Variants in HOMER2 observed in about 807,000 individuals in gnomAD.
HOMER2 encodes homer protein homolog 2.
In HOMER2, 27 loss-of-function variants were observed where a neutral mutation model predicts 47.0. That is an observed-to-expected ratio of 0.57 (90% CI 0.42 to 0.79). The LOEUF is 0.79. Ranked by LOEUF, HOMER2 falls within the 30% of genes least tolerant of loss-of-function variation. HOMER2 has a pLI of 0.00. For synonymous variants in HOMER2, 161 were observed against 163.8 expected (o/e 0.98, Z 0.13); for missense variants, 443 against 435.0 (o/e 1.02, Z -0.16).
intron 1 of HOMER2, among the ~76,000 whole-genome samples, chr15:82,942,997 A>G (rs908452686): frequency 6.6e-6 from 1 of 152,160 alleles, no homozygotes; most frequent in Non-Finnish European, 1.5e-5. Context: ...GAGAGTGCCC[A>G]AGGGGATTAA....
At chr15:82,944,613 T>G (rs1207026324) in intron 1 of HOMER2, among the ~76,000 whole-genome samples, 1 of 152,182 alleles carries the variant, frequency 6.6e-6, no homozygotes, top group Non-Finnish European at 1.5e-5. Context: ...TGAAGAAGGT[T>G]TTTCTTGTCA....
At chr15:82,982,619 A>G (rs1169193806) in intron 1 of HOMER2, among the ~76,000 whole-genome samples, 1 of 152,178 alleles carries the variant, frequency 6.6e-6, no homozygotes, top group Non-Finnish European at 1.5e-5. Context: ...GCACTCAAAA[A>G]GTTTTGGATT....
At chr15:82,895,382 C>G (rs1201160662) in intron 1 of HOMER2, among the ~76,000 whole-genome samples, 3 of 152,142 alleles carry the variant, frequency 2.0e-5, no homozygotes, top group East Asian at 1.9e-4. Context: ...AGAGGCCAGA[C>G]GACAGGGAGT....
chr15:82,859,304 G>GTT (rs55861392), intron 4 of HOMER2, 169 bp from the exon 5 acceptor site: 45,097 of 604,794 alleles, frequency 0.075, 325 homozygotes, highest in Non-Finnish European at 0.085. Context: ...ACAAGTTTTT[G>GTT]TTTTTTTTTT....
chr15:82,978,418 G>T (rs2030280152), intron 1 of HOMER2, among the ~76,000 whole-genome samples: 1 of 152,200 alleles, frequency 6.6e-6, no homozygotes, highest in Non-Finnish European at 1.5e-5. Flanking sequence ...ACAATAGTGG[G>T]ATGATTATGG....
intron 1 of HOMER2, among the ~76,000 whole-genome samples, chr15:82,925,070 T>C (rs1286660163): frequency 6.6e-6 from 1 of 152,212 alleles, no homozygotes; most frequent in Non-Finnish European, 1.5e-5. Context: ...GGTTCATCCT[T>C]ATCCATCCCT....
At chr15:82,901,548 G>C (rs1481384818) in intron 1 of HOMER2, among the ~76,000 whole-genome samples, 1 of 152,184 alleles carries the variant, frequency 6.6e-6, no homozygotes, top group Non-Finnish European at 1.5e-5. Context: ...AAATCTGCTA[G>C]GTTTAGCAGA....
At chr15:82,948,553 A>T (rs759646552) in intron 1 of HOMER2, among the ~76,000 whole-genome samples, 1 of 152,086 alleles carries the variant, frequency 6.6e-6, no homozygotes, top group Non-Finnish European at 1.5e-5. Flanking sequence ...ACAGAGGGAG[A>T]CTCTGTCTCA....
chr15:82,874,118 G>A (rs1200030122), intron 3 of HOMER2, among the ~76,000 whole-genome samples: 1 of 152,130 alleles, frequency 6.6e-6, no homozygotes, highest in Non-Finnish European at 1.5e-5. Context: ...CTGGAACAAG[G>A]GCCACATCTC....
chr15:82,877,077 A>G (rs1404431004), intron 2 of HOMER2, among the ~76,000 whole-genome samples: 1 of 152,230 alleles, frequency 6.6e-6, no homozygotes, highest in Non-Finnish European at 1.5e-5. Flanking sequence ...TGCCTCATTT[A>G]TATTAGTTCA....
chr15:82,866,726 TGA>T (rs925002963), intron 3 of HOMER2, among the ~76,000 whole-genome samples: 3 of 152,206 alleles, frequency 2.0e-5, no homozygotes, highest in African/African-American at 7.2e-5. Context: ...GTTTTAAAAA[TGA>T]GAGTTTCCTC....
At chr15:82,878,552 T>A (rs1257033524) in intron 2 of HOMER2, among the ~76,000 whole-genome samples, 2 of 152,202 alleles carry the variant, frequency 1.3e-5, no homozygotes, top group African/African-American at 4.8e-5. Flanking sequence ...AAATTCTCAT[T>A]CTCTCCATGA....
At chr15:82,843,115 G>A (rs2051192951) in exon 2 of HOMER2, 1 of 152,060 alleles carries the variant, frequency 6.6e-6, no homozygotes, top group Non-Finnish European at 1.5e-5. Context: ...GAATAAGATA[G>A]TGGTGAATAT....
At chr15:82,895,383 G>T (rs73446965) in intron 1 of HOMER2, among the ~76,000 whole-genome samples, 294 of 152,264 alleles carry the variant, frequency 1.9e-3, no homozygotes, top group Non-Finnish European at 2.4e-3. Flanking sequence ...GAGGCCAGAC[G>T]ACAGGGAGTG....
chr15:82,901,385 G>C (rs972275154), intron 1 of HOMER2, among the ~76,000 whole-genome samples: 2 of 152,130 alleles, frequency 1.3e-5, no homozygotes, highest in African/African-American at 4.8e-5. Context: ...GAAGTGAAGG[G>C]GAAGTCTAGG....
At chr15:82,923,567 C>A (rs1019296581) in intron 1 of HOMER2, among the ~76,000 whole-genome samples, 1 of 151,724 alleles carries the variant, frequency 6.6e-6, no homozygotes, top group Non-Finnish European at 1.5e-5. Context: ...CTCAGAGTGA[C>A]CAGCTCCTGC....
At chr15:82,914,405 C>T (rs577675856) in intron 1 of HOMER2, among the ~76,000 whole-genome samples, 3 of 149,702 alleles carry the variant, frequency 2.0e-5, no homozygotes, top group East Asian at 2.0e-4. Context: ...AAAAGGAAGT[C>T]CACTATATGC....
intron 2 of HOMER2, among the ~76,000 whole-genome samples, chr15:82,879,069 A>G (rs1207403439): frequency 6.6e-6 from 1 of 152,138 alleles, no homozygotes; most frequent in Admixed American, 6.5e-5. Context: ...AAATCTATCC[A>G]TTGTTATCTT....
Position 82,918,407 on chromosome 15 carries a change from G to A in HOMER2, c.6-25566C>T, listed in dbSNP as rs117278861. Among the ~76,000 whole-genome samples the A allele has an allele frequency of 4.6e-3, 702 of 152,156 alleles. 4 individuals are homozygous for A. Among genetic ancestry groups the A allele is most frequent in the African/African-American group, 7.4e-3 (309 of 41,492 alleles). ...GTGATCATGTTGGGACAGTGCCCAC[G>A]GGACAGGATACCACAGTGCTCAGAT... On this transcript the variant is annotated intron_variant, in intron 1 of 8. Transcript: ENST00000450735.
Sources: gnomAD v4.1 joint callset for allele counts (sites outside exome capture counted in the v4.1 genomes callset) on GRCh38, gnomAD v4.1.1 for gene constraint, MANE v1.5 for transcripts, NCBI Gene and HGNC (gene_info 2026-07-23, HGNC 2026-07-21) for gene names.